CC2D2B: variants seen among roughly 807,000 people sequenced by gnomAD.
CC2D2B encodes the protein protein CC2D2B.
CC2D2B carries 128 observed loss-of-function variants against 161.2 expected under a neutral mutation model. The observed-to-expected ratio is 0.79, with a 90% CI of 0.69 to 0.92. The LOEUF is 0.92. Among genes scored for constraint, CC2D2B ranks in the 40% least tolerant of loss-of-function variants. The pLI is 0.00. For missense variants in CC2D2B, 1,173 were observed against 1,375.1 expected (o/e 0.85, Z 2.32); for synonymous variants, 391 against 449.8 (o/e 0.87, Z 1.65).
chr10:95,982,711 C>G lies in CC2D2B; in HGVS notation c.2082+598C>G, dbSNP rs151047308. Among the ~76,000 whole-genome samples, 18 of 152,226 alleles carry G rather than the reference C, an allele frequency of 1.2e-4. No homozygotes were observed. The East Asian group carries it at 3.5e-3, about 29-fold the overall frequency. On this transcript the variant is annotated intron_variant, in intron 18 of 34. Transcript: ENST00000646931. ...CCTTTCTTCTTCTCTTTTAAAAAATCAACTCTTATGACTCTAATTTCATTC... is the reference window on the plus strand; with the variant it reads ...CCTTTCTTCTTCTCTTTTAAAAAATGAACTCTTATGACTCTAATTTCATTC...
Position 96,031,809 on chromosome 10 carries a change from C to G in CC2D2B, c.4126-11C>G, listed in dbSNP as rs752272566. Reference sequence around the variant, plus strand: ...AATGTGGGTTTATGTGCTGTTCTGTCTTTGATCCAGGTCACGGGATTTCCC... The same window carrying G: ...AATGTGGGTTTATGTGCTGTTCTGTGTTTGATCCAGGTCACGGGATTTCCC... On this transcript the variant is annotated splice_polypyrimidine_tract_variant and intron_variant, in intron 34 of 34. Transcript: ENST00000646931. 6.2e-7 allele frequency: 1 copy of G among 1,610,088 alleles called. No individual in the cohort carries two copies. Among genetic ancestry groups the G allele is most frequent in the Non-Finnish European group, 8.5e-7 (1 of 1,177,264 alleles).
Position 95,968,809 on chromosome 10 carries a change from T to A in CC2D2B, c.1552T>A (p.Ser518Thr). ...FYNNKQVSCT[S>T]VSPLQFDFKV... ...CAACAATAAACAGGTTTCTTGTACTTCAGTATCTCCCCTACAGTTTGATTT... is the reference window on the plus strand; with the variant it reads ...CAACAATAAACAGGTTTCTTGTACTACAGTATCTCCCCTACAGTTTGATTT... The change falls in exon 15 of 35, where the codon TCA becomes ACA. Residue 518 changes from serine (S) to threonine (T), a missense_variant. Transcript: ENST00000646931. The A allele has an allele frequency of 1.7e-6, 2 of 1,202,360 alleles. No homozygotes were observed. Among genetic ancestry groups the A allele is most frequent in the Non-Finnish European group, 2.1e-6 (2 of 960,940 alleles). 74.5% of individuals were successfully genotyped at this position (1,202,360 alleles called of 1,614,324 possible). A position where few individuals can be genotyped will look rare whatever the true frequency, so the allele number is the denominator to read the frequency against.
chr10:95,927,195 G>GA, intron 5 of CC2D2B, 42 bp from the exon 6 acceptor site: 1 of 1,129,498 alleles, frequency 8.9e-7, no homozygotes, highest in South Asian at 1.4e-5. Context: ...CTTATAAGCA[G>GA]AAAAAGTGTT....
chr10:96,000,376 AT>A (rs944741372), intron 24 of CC2D2B: 1 of 330,410 alleles, frequency 3.0e-6, no homozygotes, highest in African/African-American at 2.2e-5. Context: ...TTATATATTT[AT>A]CTTTGAGGCG....
chr10:96,029,286 GTATA>G (rs58363071), intron 34 of CC2D2B, among the ~76,000 whole-genome samples: 15,627 of 70,768 alleles, frequency 0.22, 1,766 homozygotes, highest in East Asian at 0.64. Flanking sequence ...ATATATATAT[GTATA>G]TATATATATA....
chr10:95,943,220 C>A (rs2076082630), intron 9 of CC2D2B, among the ~76,000 whole-genome samples: 2 of 152,148 alleles, frequency 1.3e-5, no homozygotes, highest in Admixed American at 6.6e-5. Context: ...AGTTGGCCTG[C>A]TGTACTTTCT....
chr10:95,987,488 T>G (rs974225313), intron 19 of CC2D2B, among the ~76,000 whole-genome samples: 8 of 152,224 alleles, frequency 5.3e-5, no homozygotes, highest in Non-Finnish European at 1.2e-4. Flanking sequence ...TGGCTGAAGA[T>G]TCTAAAGTAT....
rs10882696 is a variant in CC2D2B at position 95,944,552 on chromosome 10, T to A, written c.802-5344T>A. 5.3e-5 allele frequency among the ~76,000 whole-genome samples: 8 copies of A among 152,252 alleles called. No homozygotes were observed. The South Asian group carries it at 1.2e-3, about 24-fold the overall frequency. ...TAGCAGAGATATTTTGGTGTAATTA[T>A]CTGGGATCATTGCTTTTAGGAGAGA... On this transcript the variant is annotated intron_variant, in intron 9 of 34. Coordinates refer to ENST00000646931, the MANE Select transcript of CC2D2B (RefSeq NM_001349008.3).
Position 96,012,379 on chromosome 10 carries a change from A to C in CC2D2B, c.3228+12A>C, listed in dbSNP as rs983007449. 2 of 681,510 alleles carry C rather than the reference A, an allele frequency of 2.9e-6. No homozygotes were observed. Among genetic ancestry groups the C allele is most frequent in the African/African-American group, 1.8e-5 (1 of 55,492 alleles). The allele number at this position is 681,510 out of a possible 1,614,324, so 42.2% of individuals were successfully genotyped here. On this transcript the variant is annotated intron_variant, in intron 27 of 34. Transcript: ENST00000646931. ...CAACACTAGATAAGGTAGGTTTTAC[A>C]TTGAATTTCTTTTATATATACCATC...
At chr10:95,964,293 T>G (rs1053971213) in intron 12 of CC2D2B, among the ~76,000 whole-genome samples, 1 of 152,156 alleles carries the variant, frequency 6.6e-6, no homozygotes, top group African/African-American at 2.4e-5. Context: ...ACCTATTGTC[T>G]AAGTTACTCG....
At chr10:96,019,369 A>G (rs768157228) in intron 31 of CC2D2B, 32 bp downstream of exon 31, 1 of 1,585,980 alleles carries the variant, frequency 6.3e-7, no homozygotes, top group East Asian at 2.2e-5. Context: ...ATCTTGAGTT[A>G]TCTCCTCTAG....
At chr10:96,025,027 C>T (rs2079632662) in intron 33 of CC2D2B, 116 bp downstream of exon 33, 2 of 537,438 alleles carry the variant, frequency 3.7e-6, no homozygotes, top group Non-Finnish European at 6.3e-6. Context: ...ATAATATTTC[C>T]AGCTGGCCCA....
chr10:95,927,122 G>A, intron 5 of CC2D2B, 115 bp from the exon 6 acceptor site: 1 of 554,674 alleles, frequency 1.8e-6, no homozygotes, highest in Non-Finnish European at 3.1e-6. Flanking sequence ...TTGCCTTGGT[G>A]CTCCCTGTTT....
chr10:95,993,947 TATGTG>T, intron 22 of CC2D2B, among the ~76,000 whole-genome samples: 1 of 16,454 alleles, frequency 6.1e-5, no homozygotes, highest in Non-Finnish European at 1.2e-4. Flanking sequence ...TGTGTGTATG[TATGTG>T]TATATATATA....
chr10:96,013,918 T>A, intron 29 of CC2D2B, 41 bp downstream of exon 29: 1 of 961,918 alleles, frequency 1.0e-6, no homozygotes, highest in Non-Finnish European at 1.4e-6. Context: ...AAATATATAG[T>A]ATTTCTTTTA....
At chr10:95,973,688 A>C (rs2077217126) in intron 16 of CC2D2B, among the ~76,000 whole-genome samples, 1 of 151,828 alleles carries the variant, frequency 6.6e-6, no homozygotes, top group African/African-American at 2.4e-5. Context: ...GTAAAACCCC[A>C]TCTCTACTAA....
At position 95,983,725 on chromosome 10, in the gene CC2D2B, A is replaced by G. The variant is rs2077616321; in HGVS notation, c.2202A>G (p.Gln734=). The G allele has an allele frequency of 8.1e-7, 1 of 1,231,010 alleles. No homozygotes were observed. Among genetic ancestry groups the G allele is most frequent in the East Asian group, 3.2e-5 (1 of 31,630 alleles). 76.3% of individuals were successfully genotyped at this position (1,231,010 alleles called of 1,614,324 possible). The change falls in exon 19 of 35, where the codon CAA becomes CAG. Residue 734 remains glutamine (Q), a synonymous_variant. Coordinates refer to ENST00000646931, the MANE Select transcript of CC2D2B (RefSeq NM_001349008.3). ...MAKSKRFQLL[Q]LRNAGQLDNF... is the part of the protein sequence containing the mutation. ...AGAGTAAACGTTTCCAGCTATTGCA[A>G]CTTAGAAATGCAGGTCAATTAGATA... is the stretch of plus-strand genomic sequence containing the variant.
intron 5 of CC2D2B, 50 bp from the exon 6 acceptor site, chr10:95,927,187 T>G (rs2098540919): frequency 9.6e-7 from 1 of 1,039,812 alleles, no homozygotes; most frequent in Non-Finnish European, 1.4e-6. Context: ...TTCCTTTACT[T>G]ATAAGCAGAA....
chr10:95,971,969 T>C (rs2077152209), intron 15 of CC2D2B, 97 bp from the exon 16 acceptor site: 1 of 555,964 alleles, frequency 1.8e-6, no homozygotes, highest in African/African-American at 1.9e-5. Context: ...TTTTATATTC[T>C]GGTATTTAAA....
Sources: allele counts gnomAD v4.1 joint callset (sites outside exome capture counted in the v4.1 genomes callset), GRCh38; gene constraint gnomAD v4.1.1; transcripts MANE v1.5; gene names NCBI Gene and HGNC (gene_info 2026-07-23, HGNC 2026-07-21).